The following OXCT1 variants were observed in gnomAD, a reference collection of about 807,000 sequenced individuals.
OXCT1 encodes 3-oxoacid CoA-transferase 1, also known as succinyl-CoA:3-ketoacid coenzyme A transferase 1, mitochondrial.
OXCT1 carries 27 observed loss-of-function variants against 69.6 expected under a neutral mutation model. The ratio of observed to expected loss-of-function variants is 0.39; its 90% CI spans 0.29 to 0.54. OXCT1 has a LOEUF of 0.54. Among genes scored for constraint, OXCT1 ranks in the 20% least tolerant of loss-of-function variants. The pLI, the probability that OXCT1 is intolerant of heterozygous loss-of-function variation, is 0.72. For synonymous variants in OXCT1, 202 were observed against 217.8 expected (o/e 0.93, Z 0.64); for missense variants, 437 against 650.2 (o/e 0.67, Z 3.57).
intron 7 of OXCT1, among the ~76,000 whole-genome samples, chr5:41,832,305 C>T (rs1460077086): frequency 6.6e-6 from 1 of 151,656 alleles, no homozygotes; most frequent in Non-Finnish European, 1.5e-5. Flanking sequence ...TTTGTATCAC[C>T]ACACCCCCAG....
intron 5 of OXCT1, 93 bp downstream of exon 5, chr5:41,849,937 G>T: frequency 8.0e-7 from 1 of 1,257,830 alleles, no homozygotes; most frequent in Non-Finnish European, 1.2e-6. Context: ...TTCTCACATA[G>T]AGGTGATTTT....
At chr5:41,741,935 T>C (rs955699244) in intron 15 of OXCT1, among the ~76,000 whole-genome samples, 2 of 152,358 alleles carry the variant, frequency 1.3e-5, no homozygotes, top group Non-Finnish European at 1.5e-5. Flanking sequence ...ATGAACACTT[T>C]CTTTGCAGAA....
At chr5:41,748,636 A>G (rs969196311) in intron 15 of OXCT1, among the ~76,000 whole-genome samples, 1 of 151,712 alleles carries the variant, frequency 6.6e-6, no homozygotes, top group Non-Finnish European at 1.5e-5. Flanking sequence ...TTAGGACAGA[A>G]CCTCCCTTAA....
chr5:41,843,520 C>A, intron 5 of OXCT1: 1 of 455,844 alleles, frequency 2.2e-6, no homozygotes, highest in Non-Finnish European at 4.4e-6. Context: ...TGTTTATTGC[C>A]TTTTAATTAT....
At chr5:41,827,210 C>T (rs1374726294) in intron 7 of OXCT1, among the ~76,000 whole-genome samples, 1 of 152,148 alleles carries the variant, frequency 6.6e-6, no homozygotes, top group Non-Finnish European at 1.5e-5. Context: ...CTACAAATGC[C>T]TATATACCTA....
chr5:41,824,959 T>G (rs1747732077), intron 7 of OXCT1, among the ~76,000 whole-genome samples: 1 of 152,208 alleles, frequency 6.6e-6, no homozygotes, highest in African/African-American at 2.4e-5. Flanking sequence ...TGAACAGAAC[T>G]TTTTCACAAT....
At chr5:41,791,806 AT>A (rs998999445) in intron 13 of OXCT1, among the ~76,000 whole-genome samples, 56 of 147,970 alleles carry the variant, frequency 3.8e-4, no homozygotes, top group East Asian at 5.9e-4. Context: ...TTATTTATTT[AT>A]TTTTTTTTTT....
intron 7 of OXCT1, among the ~76,000 whole-genome samples, chr5:41,819,474 G>A (rs1010341290): frequency 1.3e-5 from 2 of 151,994 alleles, no homozygotes; most frequent in Non-Finnish European, 2.9e-5. Flanking sequence ...GGGTTCAAGC[G>A]ATTCTCCTGC....
intron 15 of OXCT1, 121 bp downstream of exon 15, chr5:41,749,406 C>T (rs1374996873): frequency 1.5e-5 from 10 of 654,368 alleles, no homozygotes; most frequent in South Asian, 5.1e-5. Context: ...CTTTCCTATT[C>T]GTTCTGCCCA....
chr5:41,803,712 A>G (rs1179327846), intron 9 of OXCT1, among the ~76,000 whole-genome samples: 5 of 152,130 alleles, frequency 3.3e-5, no homozygotes, highest in African/African-American at 1.2e-4. Context: ...ACATAAAAAG[A>G]AAAGTGGGGA....
chr5:41,789,567 A>C (rs576568054), intron 13 of OXCT1, among the ~76,000 whole-genome samples: 1 of 152,362 alleles, frequency 6.6e-6, no homozygotes, highest in African/African-American at 2.4e-5. Context: ...ATGATCAATA[A>C]GTAAAGAACC....
intron 14 of OXCT1, among the ~76,000 whole-genome samples, chr5:41,756,083 C>T (rs997757084): frequency 1.3e-5 from 2 of 152,054 alleles, no homozygotes; most frequent in African/African-American, 4.8e-5. Flanking sequence ...TTCTTTCATT[C>T]ACCAGGTTTA....
At chr5:41,734,323 T>A (rs556785556) in intron 16 of OXCT1, among the ~76,000 whole-genome samples, 22 of 152,294 alleles carry the variant, frequency 1.4e-4, no homozygotes, top group African/African-American at 4.1e-4. Context: ...GTTAAGAAGA[T>A]AAAATCAAAG....
chr5:41,861,223 A>G, intron 3 of OXCT1, 91 bp downstream of exon 3: 2 of 852,934 alleles, frequency 2.3e-6, no homozygotes, highest in Non-Finnish European at 4.0e-6. Flanking sequence ...TCATGTGAAT[A>G]GGAGAAAACT....
intron 1 of OXCT1, among the ~76,000 whole-genome samples, chr5:41,868,893 GT>G (rs755469968): frequency 1.3e-5 from 2 of 152,164 alleles, no homozygotes; most frequent in Non-Finnish European, 1.5e-5. Flanking sequence ...CTAAGATGAG[GT>G]TTGCTGAGCT....
rs1177888378 is a variant in OXCT1, at chr5:41,731,641, A to G, written c.*88T>C. ...AAACTAATAAAAAACCACCTGTTAA[A>G]TACACAATTATGATTATTGATGTCC... On this transcript the variant is annotated 3_prime_UTR_variant, in exon 17 of 17. Transcript: ENST00000196371. 1.3e-6 allele frequency: 2 copies of G among 1,525,556 alleles called. No individual in the cohort carries two copies. Among genetic ancestry groups the G allele is most frequent in the Non-Finnish European group, 1.8e-6 (2 of 1,125,176 alleles). The allele number at this position is 1,525,556 out of a possible 1,614,324, so 94.5% of individuals were successfully genotyped here.
intron 7 of OXCT1, among the ~76,000 whole-genome samples, chr5:41,831,033 G>C (rs139429799): frequency 1.6e-3 from 236 of 152,250 alleles, no homozygotes; most frequent in African/African-American, 5.6e-3. Context: ...AAAACAACCA[G>C]CTTGATCACT....
intron 14 of OXCT1, among the ~76,000 whole-genome samples, chr5:41,757,061 TCATTGAGGGTTTTTGAGCTGC>T (rs1328888116): frequency 1.1e-4 from 17 of 151,944 alleles, no homozygotes; most frequent in African/African-American, 3.6e-4. Context: ...AGATGGGAAG[TCATTGAGGGTTTTTGAGCTGC>T]CATTGAGGGT....
At chr5:41,853,619 A>G in intron 3 of OXCT1, 65 bp from the exon 4 acceptor site, 1 of 1,521,916 alleles carries the variant, frequency 6.6e-7, no homozygotes, top group Non-Finnish European at 9.1e-7. Flanking sequence ...ATCTTTTTAA[A>G]GAGATAAAAC....
Sources: allele counts gnomAD v4.1 joint callset (sites outside exome capture counted in the v4.1 genomes callset), GRCh38; gene constraint gnomAD v4.1.1; transcripts MANE v1.5; gene names NCBI Gene and HGNC (gene_info 2026-07-23, HGNC 2026-07-21).